The following ST6GALNAC5 variants were observed in gnomAD, a reference collection of about 807,000 sequenced individuals.
ST6GALNAC5 encodes the protein alpha-N-acetylgalactosaminide alpha-2,6-sialyltransferase 5.
In ST6GALNAC5, 27 loss-of-function variants were observed where a neutral mutation model predicts 33.6. The observed-to-expected ratio is 0.80, with a 90% CI of 0.59 to 1.11. ST6GALNAC5 has a LOEUF of 1.11. Among genes scored for constraint, ST6GALNAC5 ranks in the 50% least tolerant of loss-of-function variants. The probability of loss-of-function intolerance (pLI) is 0.00; values close to 1 mark genes in which losing one functional copy is unlikely to be tolerated. For missense variants in ST6GALNAC5, 428 were observed against 454.0 expected, an observed-to-expected ratio of 0.94 and a Z score of 0.52; for synonymous variants, 194 against 171.2, an observed-to-expected ratio of 1.13 and a Z score of -1.04.
chr1:76,886,073 A>C (rs1570638982), intron 2 of ST6GALNAC5, among the ~76,000 whole-genome samples: 1 of 152,144 alleles, frequency 6.6e-6, no homozygotes, highest in East Asian at 1.9e-4. Flanking sequence ...TCCGTGATGC[A>C]ATTTCCTGTC....
chr1:77,000,972 C>T (rs71513505), intron 2 of ST6GALNAC5, among the ~76,000 whole-genome samples: 7 of 151,150 alleles, frequency 4.6e-5, no homozygotes, highest in Middle Eastern at 3.4e-3. Context: ...CTTGGCGATG[C>T]GGGCTCTTTT....
chr1:77,050,789 C>A (rs1297335985), intron 4 of ST6GALNAC5, among the ~76,000 whole-genome samples: 1 of 152,240 alleles, frequency 6.6e-6, no homozygotes, highest in Non-Finnish European at 1.5e-5. Context: ...GAGCCTCCTT[C>A]CCTTGCCACA....
rs181014216 is a variant in ST6GALNAC5, at chr1:77,058,005, G to A, written c.780-4970G>A. 7.2e-5 allele frequency among the ~76,000 whole-genome samples: 11 copies of A among 152,260 alleles called. No homozygotes were observed. In the East Asian group the frequency reaches 1.2e-3, roughly 16 times the overall value. On this transcript the variant is annotated intron_variant, in intron 4 of 4. Coordinates refer to ENST00000477717, the MANE Select transcript of ST6GALNAC5 (RefSeq NM_030965.3). The stretch of plus-strand genomic sequence containing the variant: ...AGCAGCTCGCAAGCACCACACATGG[G>A]GCTCCTCTGTAGCAAGAGCTCGGAG...
intron 2 of ST6GALNAC5, among the ~76,000 whole-genome samples, chr1:76,923,755 C>T (rs976516147): frequency 6.6e-6 from 1 of 152,002 alleles, no homozygotes; most frequent in Non-Finnish European, 1.5e-5. Flanking sequence ...ACTAGTCCCA[C>T]TGAGGTTAGA....
chr1:76,897,265 A>C (rs892552845), intron 2 of ST6GALNAC5, among the ~76,000 whole-genome samples: 8 of 152,202 alleles, frequency 5.3e-5, no homozygotes, highest in African/African-American at 1.7e-4. Flanking sequence ...GAGATCTGGA[A>C]CAGAATAATG....
chr1:77,010,260 C>T (rs756661284), intron 2 of ST6GALNAC5, among the ~76,000 whole-genome samples: 3 of 152,090 alleles, frequency 2.0e-5, no homozygotes, highest in Admixed American at 6.5e-5. Context: ...ATTGGGAGGC[C>T]GAGGCGGGCA....
chr1:76,916,033 A>C (rs1281794250), intron 2 of ST6GALNAC5, among the ~76,000 whole-genome samples: 1 of 151,980 alleles, frequency 6.6e-6, no homozygotes, highest in African/African-American at 2.4e-5. Context: ...AAACTCATTG[A>C]AATACTCCTG....
chr1:77,052,040 T>C (rs1652237644), intron 4 of ST6GALNAC5, among the ~76,000 whole-genome samples: 1 of 152,204 alleles, frequency 6.6e-6, no homozygotes, highest in Non-Finnish European at 1.5e-5. Flanking sequence ...CGAAACAATT[T>C]ATGGAAAATA....
At chr1:76,882,698 G>T (rs958698300) in intron 2 of ST6GALNAC5, among the ~76,000 whole-genome samples, 1 of 152,156 alleles carries the variant, frequency 6.6e-6, no homozygotes, top group Non-Finnish European at 1.5e-5. Context: ...GAAATTAATT[G>T]CACATATGAG....
At chr1:77,050,210 ATAATGGTTACT>A (rs1229987280) in intron 3 of ST6GALNAC5, 37 bp from the exon 4 acceptor site, 2 of 1,515,326 alleles carry the variant, frequency 1.3e-6, no homozygotes, top group South Asian at 2.2e-5. Flanking sequence ...GGTAGTGGGT[ATAATGGTTACT>A]TTACCAGCTT....
chr1:76,989,283 A>AT (rs200116910), intron 2 of ST6GALNAC5, among the ~76,000 whole-genome samples: 1,771 of 145,644 alleles, frequency 0.012, 16 homozygotes, highest in Middle Eastern at 0.062. Context: ...TAATTCTTCT[A>AT]TTTTTTTTTT....
intron 2 of ST6GALNAC5, among the ~76,000 whole-genome samples, chr1:76,923,973 A>T (rs1221876695): frequency 6.6e-6 from 1 of 152,138 alleles, no homozygotes; most frequent in Non-Finnish European, 1.5e-5. Context: ...ATCAAATGAA[A>T]ATTCTATTGA....
At chr1:77,040,035 C>A (rs1205578342) in intron 2 of ST6GALNAC5, among the ~76,000 whole-genome samples, 1 of 152,222 alleles carries the variant, frequency 6.6e-6, no homozygotes, top group Non-Finnish European at 1.5e-5. Flanking sequence ...ATCATTAAGA[C>A]ACTAAAGGTT....
chr1:76,982,189 A>C (rs1040266504), intron 2 of ST6GALNAC5, among the ~76,000 whole-genome samples: 2 of 152,220 alleles, frequency 1.3e-5, no homozygotes, highest in African/African-American at 2.4e-5. Context: ...AGTAGTCTTC[A>C]GAAGGTCGGT....
chr1:76,967,822 C>A (rs1648565668), intron 2 of ST6GALNAC5, among the ~76,000 whole-genome samples: 1 of 152,086 alleles, frequency 6.6e-6, no homozygotes, highest in Admixed American at 6.6e-5. Context: ...TTTATTTCTG[C>A]CTTCATTTCA....
At chr1:76,914,030 G>A (rs1393596590) in intron 2 of ST6GALNAC5, among the ~76,000 whole-genome samples, 3 of 152,092 alleles carry the variant, frequency 2.0e-5, no homozygotes, top group Non-Finnish European at 2.9e-5. Flanking sequence ...AAAATCACAA[G>A]CATTCTTATA....
Position 76,983,767 on chromosome 1 carries a change from C to T in ST6GALNAC5, c.262-60437C>T, listed in dbSNP as rs181903723. 5.9e-3 allele frequency among the ~76,000 whole-genome samples: 892 copies of T among 152,264 alleles called. 9 individuals are homozygous for T. Among genetic ancestry groups the T allele is most frequent in the African/African-American group, 0.021 (863 of 41,550 alleles). ...ATTGACCACATAGTTGGAAGTAAAG[C>T]ACTCCTCAGCAAATGTAAAAGAACA... On this transcript the variant is annotated intron_variant, in intron 2 of 4. Transcript: ENST00000477717.
At chr1:76,901,466 T>A in intron 2 of ST6GALNAC5, among the ~76,000 whole-genome samples, 1 of 152,216 alleles carries the variant, frequency 6.6e-6, no homozygotes, top group South Asian at 2.1e-4. Flanking sequence ...GTGATATATG[T>A]TCTCAGAGTC....
At chr1:76,869,335 C>T (rs756206212) in intron 2 of ST6GALNAC5, among the ~76,000 whole-genome samples, 1 of 152,168 alleles carries the variant, frequency 6.6e-6, no homozygotes, top group African/African-American at 2.4e-5. Context: ...GCCTGTCTTC[C>T]TCTGCCTTCC....
Sources: gnomAD v4.1 joint callset for allele counts (sites outside exome capture counted in the v4.1 genomes callset) on GRCh38, gnomAD v4.1.1 for gene constraint, MANE v1.5 for transcripts, NCBI Gene and HGNC (gene_info 2026-07-23, HGNC 2026-07-21) for gene names.